GRM1: variants seen among roughly 807,000 people sequenced by gnomAD.
GRM1 encodes the protein metabotropic glutamate receptor 1.
Under a neutral mutation model 90.9 loss-of-function variants are expected in GRM1, and 33 were observed. That is an observed-to-expected ratio of 0.36 (90% CI 0.28 to 0.49). The LOEUF is 0.49. Ranked by LOEUF, GRM1 falls within the 20% of genes least tolerant of loss-of-function variation. The pLI, the probability that GRM1 is intolerant of heterozygous loss-of-function variation, is 0.99. For missense variants in GRM1, 1,190 were observed against 1,534.3 expected (o/e 0.78, Z 3.75); for synonymous variants, 700 against 613.2 (o/e 1.14, Z -2.09).
intron 1 of GRM1, among the ~76,000 whole-genome samples, chr6:146,125,046 T>C (rs1285400306): frequency 6.6e-6 from 1 of 152,184 alleles, no homozygotes; most frequent in Non-Finnish European, 1.5e-5. Context: ...CCATTGGTGT[T>C]ACTTGTTGTC....
chr6:146,407,537 G>A (rs1182360933), intron 7 of GRM1, among the ~76,000 whole-genome samples: 1 of 152,088 alleles, frequency 6.6e-6, no homozygotes, highest in East Asian at 1.9e-4. Context: ...GCATATTCAA[G>A]TTCTGAAACT....
chr6:146,054,698 T>A (rs1775416897), intron 1 of GRM1, among the ~76,000 whole-genome samples: 1 of 152,074 alleles, frequency 6.6e-6, no homozygotes, highest in African/African-American at 2.4e-5. Context: ...GGAGATCCAA[T>A]GTACACTGGG....
chr6:146,369,731 C>T (rs1359316095), intron 5 of GRM1, among the ~76,000 whole-genome samples: 2 of 151,786 alleles, frequency 1.3e-5, no homozygotes, highest in Non-Finnish European at 2.9e-5. Context: ...CTTATTTTGT[C>T]ACCCAATGTA....
intron 1 of GRM1, among the ~76,000 whole-genome samples, chr6:146,080,631 T>C (rs1043627825): frequency 6.6e-6 from 1 of 152,028 alleles, no homozygotes; most frequent in Non-Finnish European, 1.5e-5. Flanking sequence ...TTCAGGGGAA[T>C]CTGAGAGCAG....
chr6:146,072,393 C>T (rs984109531), intron 1 of GRM1, among the ~76,000 whole-genome samples: 5 of 152,060 alleles, frequency 3.3e-5, no homozygotes, highest in African/African-American at 9.7e-5. Context: ...TCTATAATAT[C>T]CTGCACTAAA....
chr6:146,259,494 ACT>A (rs1309789439), intron 2 of GRM1, among the ~76,000 whole-genome samples: 5 of 151,920 alleles, frequency 3.3e-5, no homozygotes, highest in Non-Finnish European at 7.4e-5. Context: ...CCACCATTGT[ACT>A]CTCTGCTTTT....
chr6:146,125,044 G>A (rs1327408375), intron 1 of GRM1, among the ~76,000 whole-genome samples: 1 of 152,098 alleles, frequency 6.6e-6, no homozygotes, highest in African/African-American at 2.4e-5. Context: ...TACCATTGGT[G>A]TTACTTGTTG....
At chr6:146,185,016 A>G (rs1432850192) in intron 2 of GRM1, among the ~76,000 whole-genome samples, 2 of 152,218 alleles carry the variant, frequency 1.3e-5, no homozygotes, top group Non-Finnish European at 2.9e-5. Flanking sequence ...ACAAACATGT[A>G]ATATCTGGTC....
intron 2 of GRM1, among the ~76,000 whole-genome samples, chr6:146,270,192 G>A (rs1034566497): frequency 1.3e-5 from 2 of 152,078 alleles, no homozygotes; most frequent in Non-Finnish European, 2.9e-5. Flanking sequence ...GAGAGAGAGT[G>A]TATAAGCAAA....
At chr6:146,401,858 A>C (rs549984595) in intron 7 of GRM1, among the ~76,000 whole-genome samples, 15 of 152,302 alleles carry the variant, frequency 9.8e-5, no homozygotes, top group African/African-American at 3.4e-4. Flanking sequence ...ACAGTGACTA[A>C]TGAAGAGTAT....
chr6:146,068,669 G>A (rs1366986093), intron 1 of GRM1, among the ~76,000 whole-genome samples: 6 of 152,134 alleles, frequency 3.9e-5, no homozygotes, highest in African/African-American at 1.2e-4. Context: ...CTATGGTACA[G>A]CCCATCCAGT....
At chr6:146,099,536 C>T (rs185833541) in intron 1 of GRM1, among the ~76,000 whole-genome samples, 11 of 152,306 alleles carry the variant, frequency 7.2e-5, no homozygotes, top group Admixed American at 2.0e-4. Flanking sequence ...TTCCTTTCCT[C>T]TACTGCTTAT....
chr6:146,391,122 T>G (rs1435385225), intron 6 of GRM1, among the ~76,000 whole-genome samples: 1 of 152,114 alleles, frequency 6.6e-6, no homozygotes, highest in Non-Finnish European at 1.5e-5. Context: ...TAATTTATGT[T>G]AAATTTGACT....
chr6:146,434,457 G>C lies in GRM1; in HGVS notation c.3246G>C (p.Leu1082=). The change falls in exon 8 of 8, where the codon CTG becomes CTC. Residue 1082 remains leucine, a synonymous_variant. Coordinates refer to ENST00000282753, the MANE Select transcript of GRM1 (RefSeq NM_001278064.2). The part of the protein sequence containing the change: ...PQHLQMLPLQ[L]STFGEELVSP... ...ACCTGCAGATGCTGCCGCTGCAGCT[G>C]AGCACCTTTGGGGAGGAGCTGGTCT... The C allele has an allele frequency of 6.2e-7, 1 of 1,614,034 alleles. No homozygotes were observed. The highest frequency in any genetic ancestry group is 2.2e-5 in the East Asian group (1 of 44,862).
At chr6:146,310,698 A>T (rs1783741963) in intron 3 of GRM1, among the ~76,000 whole-genome samples, 1 of 152,134 alleles carries the variant, frequency 6.6e-6, no homozygotes, top group South Asian at 2.1e-4. Context: ...CTTTCCTGGA[A>T]CCTTACCTTA....
chr6:146,434,389 A>C lies in GRM1; in HGVS notation c.3178A>C (p.Asn1060His), dbSNP rs755308114. Residue 1060 changes from asparagine to histidine, a missense_variant, in exon 8 of 8, where the codon AAC becomes CAC. Transcript: ENST00000282753. ...AVLAGPGGPG[N>H]GLRSLYPPPP... ...GCTGGCAGGCCCCGGTGGTCCCGGG[A>C]ACGGGCTGCGGTCCCTGTACCCGCC... 19 of 1,613,174 alleles carry C rather than the reference A, an allele frequency of 1.2e-5. No homozygotes were observed. Among genetic ancestry groups the C allele is most frequent in the African/African-American group, 2.7e-5 (2 of 74,924 alleles).
intron 3 of GRM1, among the ~76,000 whole-genome samples, chr6:146,343,364 C>T (rs1042805809): frequency 7.2e-5 from 11 of 152,100 alleles, no homozygotes; most frequent in African/African-American, 1.9e-4. Flanking sequence ...ACTCAGTGTA[C>T]GACCCACTTA....
At chr6:146,185,533 C>G (rs1778702926) in intron 2 of GRM1, among the ~76,000 whole-genome samples, 1 of 152,148 alleles carries the variant, frequency 6.6e-6, no homozygotes, top group Non-Finnish European at 1.5e-5. Context: ...GGAAAATATG[C>G]CTTCTTTCAG....
chr6:146,227,341 CT>C (rs2114693529), intron 2 of GRM1, among the ~76,000 whole-genome samples: 1 of 152,150 alleles, frequency 6.6e-6, no homozygotes, highest in Admixed American at 6.6e-5. Flanking sequence ...CACCTTAAGT[CT>C]GTAATTTACA....
Sources: allele counts gnomAD v4.1 joint callset (sites outside exome capture counted in the v4.1 genomes callset), GRCh38; gene constraint gnomAD v4.1.1; transcripts MANE v1.5; gene names NCBI Gene and HGNC (gene_info 2026-07-23, HGNC 2026-07-21).